Variants in MAP3K5 observed in about 807,000 individuals in gnomAD.
The protein encoded by MAP3K5 is mitogen-activated protein kinase kinase kinase 5.
Under a neutral mutation model 158.7 loss-of-function variants are expected in MAP3K5, and 56 were observed. The observed-to-expected ratio is 0.35, with a 90% CI of 0.28 to 0.44. The LOEUF (loss-of-function observed/expected upper bound fraction) is 0.44, where lower values mean the gene tolerates loss of function less well. MAP3K5 is among the 20% of genes least tolerant of loss of function. The probability of loss-of-function intolerance (pLI) is 1.00; values close to 1 mark genes in which losing one functional copy is unlikely to be tolerated. For synonymous variants in MAP3K5, 579 were observed against 601.7 expected (o/e 0.96, Z 0.55); for missense variants, 1,294 against 1,674.8 (o/e 0.77, Z 3.97).
At chr6:136,663,713 G>A (rs1430765160) in intron 8 of MAP3K5, among the ~76,000 whole-genome samples, 2 of 150,192 alleles carry the variant, frequency 1.3e-5, no homozygotes, top group African/African-American at 2.5e-5. Flanking sequence ...AGGTTCAAGC[G>A]ATTCTCCTGT....
chr6:136,661,733 G>T (rs1779015056), intron 8 of MAP3K5, among the ~76,000 whole-genome samples: 1 of 152,012 alleles, frequency 6.6e-6, no homozygotes, highest in African/African-American at 2.4e-5. Flanking sequence ...TGTAGAGACG[G>T]TCTCATTCTG....
intron 1 of MAP3K5, among the ~76,000 whole-genome samples, chr6:136,750,521 A>C (rs1783159994): frequency 6.6e-6 from 1 of 152,200 alleles, no homozygotes; most frequent in Admixed American, 6.5e-5. Flanking sequence ...TTCAACGATG[A>C]AGGGGTGAAT....
At chr6:136,662,158 T>A (rs1314679001) in intron 8 of MAP3K5, among the ~76,000 whole-genome samples, 4 of 152,222 alleles carry the variant, frequency 2.6e-5, no homozygotes, top group Non-Finnish European at 4.4e-5. Flanking sequence ...ACAGAAGACA[T>A]GCCCATTTTT....
At chr6:136,792,982 T>G (rs529197842), upstream of MAP3K5, among the ~76,000 whole-genome samples, 22 of 152,180 alleles carry the variant, frequency 1.4e-4, no homozygotes, top group East Asian at 3.5e-3. This position sits in a 1 kb window ranked among gnomAD's most constrained non-coding sequence, Gnocchi z 5.7. Flanking sequence ...CTCCTCTGAG[T>G]GCTGCGCGTG....
intron 14 of MAP3K5, chr6:136,630,328 G>A (rs1181416310): frequency 1.3e-5 from 2 of 152,212 alleles, no homozygotes; most frequent in African/African-American, 4.8e-5. Context: ...TTAGATGAGA[G>A]CATGTAAGCT....
At chr6:136,586,230 T>C (rs1158623487) in intron 23 of MAP3K5, among the ~76,000 whole-genome samples, 2 of 152,214 alleles carry the variant, frequency 1.3e-5, no homozygotes, top group Non-Finnish European at 2.9e-5. Context: ...CATAACATCA[T>C]GAAAACATGT....
At chr6:136,670,717 T>C (rs1483921580) in intron 7 of MAP3K5, among the ~76,000 whole-genome samples, 2 of 152,190 alleles carry the variant, frequency 1.3e-5, no homozygotes, top group African/African-American at 4.8e-5. Flanking sequence ...TTTCTGAATA[T>C]TGAGGACCAT....
At chr6:136,698,423 C>T in intron 4 of MAP3K5, 66 bp downstream of exon 4, 1 of 1,381,280 alleles carries the variant, frequency 7.2e-7, no homozygotes, top group South Asian at 1.3e-5. Context: ...TGATATCATG[C>T]ACAAATAAAG....
At chr6:136,786,041 A>C (rs1376240882) in intron 1 of MAP3K5, among the ~76,000 whole-genome samples, 1 of 152,204 alleles carries the variant, frequency 6.6e-6, no homozygotes, top group Non-Finnish European at 1.5e-5. Context: ...CAGTGTTTTC[A>C]TAAGCAAAAC....
At chr6:136,678,729 T>C (rs1233670711) in intron 7 of MAP3K5, among the ~76,000 whole-genome samples, 1 of 151,674 alleles carries the variant, frequency 6.6e-6, no homozygotes, top group East Asian at 1.9e-4. Context: ...GGCAAATAAT[T>C]TTTTTTTTCT....
intron 9 of MAP3K5, 77 bp from the exon 10 acceptor site, chr6:136,656,537 G>A (rs1778755865): frequency 1.1e-6 from 1 of 869,722 alleles, no homozygotes; most frequent in Non-Finnish European, 1.8e-6. Context: ...GTCTAATTCT[G>A]TAAATGTAAT....
At chr6:136,607,535 A>G (rs185719942) in intron 18 of MAP3K5, among the ~76,000 whole-genome samples, 2 of 152,366 alleles carry the variant, frequency 1.3e-5, no homozygotes, top group Admixed American at 6.5e-5. Flanking sequence ...ATGAGAGCCA[A>G]CCTGAACACT....
At chr6:136,707,407 G>C (rs930809548) in intron 2 of MAP3K5, among the ~76,000 whole-genome samples, 1 of 152,206 alleles carries the variant, frequency 6.6e-6, no homozygotes. Flanking sequence ...GGACAGACAC[G>C]ACCTCCAAAG....
intron 1 of MAP3K5, among the ~76,000 whole-genome samples, chr6:136,725,401 A>C (rs956023894): frequency 2.6e-5 from 4 of 152,198 alleles, no homozygotes; most frequent in Admixed American, 2.0e-4. Context: ...CCAGTCTAAT[A>C]GGTATGTAGT....
At chr6:136,680,868 T>C (rs1472505355) in intron 7 of MAP3K5, among the ~76,000 whole-genome samples, 2 of 151,992 alleles carry the variant, frequency 1.3e-5, no homozygotes, top group Non-Finnish European at 2.9e-5. Flanking sequence ...GAGATACCCT[T>C]GGAAGAGCTC....
At chr6:136,597,866 T>C (rs1325066569) in intron 21 of MAP3K5, among the ~76,000 whole-genome samples, 1 of 152,234 alleles carries the variant, frequency 6.6e-6, no homozygotes, top group Non-Finnish European at 1.5e-5. Context: ...CATATGGTTA[T>C]TAACACTGAC....
chr6:136,744,840 C>A (rs768090517), intron 1 of MAP3K5, among the ~76,000 whole-genome samples: 3 of 152,118 alleles, frequency 2.0e-5, no homozygotes, highest in Non-Finnish European at 4.4e-5. Context: ...GTAGGGTGGC[C>A]ATCAGGATTT....
rs117179220 is a variant in MAP3K5 at position 136,667,570 on chromosome 6, G to A, written c.1366+1713C>T. ...AGTGCACTCCAGCTTGGGTGACAGA[G>A]TGAGAGCCAACCTTAAAAATAAATA... On this transcript the variant is annotated intron_variant, in intron 8 of 29. Coordinates refer to ENST00000359015, the MANE Select transcript of MAP3K5 (RefSeq NM_005923.4). Among the ~76,000 whole-genome samples the A allele has an allele frequency of 2.5e-3, 384 of 152,236 alleles. 14 individuals are homozygous for A. The East Asian group carries it at 0.048, about 19-fold the overall frequency.
At chr6:136,561,502 G>T in intron 28 of MAP3K5, 31 bp downstream of exon 28, 1 of 1,491,888 alleles carries the variant, frequency 6.7e-7, no homozygotes, top group Non-Finnish European at 9.4e-7. Flanking sequence ...CGAAGTGAAA[G>T]AATACTTGTC....
Sources: allele counts gnomAD v4.1 joint callset (sites outside exome capture counted in the v4.1 genomes callset), GRCh38; gene constraint gnomAD v4.1.1; non-coding constraint Gnocchi (gnomAD v3.1); transcripts MANE v1.5; gene names NCBI Gene and HGNC (gene_info 2026-07-23, HGNC 2026-07-21).